Variants in PCCA observed in about 807,000 individuals in gnomAD.
PCCA encodes propionyl-CoA carboxylase alpha chain, mitochondrial.
PCCA carries 74 observed loss-of-function variants against 101.3 expected under a neutral mutation model. The observed-to-expected ratio is 0.73, with a 90% CI of 0.61 to 0.89. The LOEUF is 0.89. PCCA is among the 40% of genes least tolerant of loss of function. The probability of loss-of-function intolerance (pLI) is 0.00; values close to 1 mark genes in which losing one functional copy is unlikely to be tolerated. For synonymous variants in PCCA, 294 were observed against 313.6 expected (o/e 0.94, Z 0.66); for missense variants, 891 against 907.0 (o/e 0.98, Z 0.23).
intron 12 of PCCA, among the ~76,000 whole-genome samples, chr13:100,281,229 T>A (rs541565252): frequency 6.6e-6 from 1 of 152,366 alleles, no homozygotes; most frequent in African/African-American, 2.4e-5. Flanking sequence ...AAGAGTCATG[T>A]GCTGAGGTTG....
chr13:100,155,538 A>G (rs2053791357), intron 5 of PCCA, among the ~76,000 whole-genome samples: 1 of 152,222 alleles, frequency 6.6e-6, no homozygotes, highest in African/African-American at 2.4e-5. Context: ...TTTGGTAATT[A>G]TTTTAGTTTG....
At chr13:100,210,289 T>C (rs1335215161) in intron 7 of PCCA, among the ~76,000 whole-genome samples, 4 of 152,210 alleles carry the variant, frequency 2.6e-5, no homozygotes, top group African/African-American at 9.6e-5. Flanking sequence ...ACTTGGATTG[T>C]TTTAAATAGC....
At chr13:100,282,676 C>T (rs1348582390) in intron 12 of PCCA, among the ~76,000 whole-genome samples, 1 of 152,192 alleles carries the variant, frequency 6.6e-6, no homozygotes, top group Non-Finnish European at 1.5e-5. Context: ...AAAATGGCCA[C>T]CTGAGGGAAG....
chr13:100,250,149 T>G (rs1396275379), intron 8 of PCCA, among the ~76,000 whole-genome samples: 1 of 152,184 alleles, frequency 6.6e-6, no homozygotes, highest in Non-Finnish European at 1.5e-5. Flanking sequence ...TTTTTCCTGA[T>G]TTTTGGGAGA....
intron 7 of PCCA, among the ~76,000 whole-genome samples, chr13:100,224,051 A>G (rs1455602375): frequency 2.0e-5 from 3 of 151,838 alleles, no homozygotes; most frequent in African/African-American, 7.3e-5. Context: ...GTGCGCCCGC[A>G]CTCCTCAGCC....
chr13:100,459,229 T>C (rs2082012132), intron 21 of PCCA, among the ~76,000 whole-genome samples: 1 of 152,154 alleles, frequency 6.6e-6, no homozygotes, highest in South Asian at 2.1e-4. Context: ...TTTAACTCAT[T>C]ATGTCTGCAA....
At chr13:100,117,666 T>G (rs1472998292) in intron 4 of PCCA, among the ~76,000 whole-genome samples, 1 of 152,016 alleles carries the variant, frequency 6.6e-6, no homozygotes, top group Non-Finnish European at 1.5e-5. Context: ...GGGAAATACC[T>G]AATGTAAATG....
intron 14 of PCCA, chr13:100,305,911 T>C: frequency 2.8e-6 from 1 of 361,046 alleles, no homozygotes. Context: ...GATATCTATA[T>C]TTTTGTTTGT....
intron 17 of PCCA, 85 bp downstream of exon 17, chr13:100,330,756 A>G (rs2069430265): frequency 3.6e-6 from 3 of 823,006 alleles, no homozygotes; most frequent in Non-Finnish European, 6.1e-6. Flanking sequence ...CTATTTTGAA[A>G]TTAAGGCCTT....
chr13:100,096,504 A>C (rs1252188160), intron 1 of PCCA, among the ~76,000 whole-genome samples: 1 of 152,154 alleles, frequency 6.6e-6, no homozygotes, highest in Non-Finnish European at 1.5e-5. Flanking sequence ...TAATCTTCTA[A>C]GCGTTCTAGT....
intron 1 of PCCA, 81 bp downstream of exon 1, chr13:100,089,306 A>G: frequency 3.0e-6 from 4 of 1,335,228 alleles, no homozygotes; most frequent in Non-Finnish European, 2.9e-6. Flanking sequence ...GCGCCGGGAG[A>G]GCGCTGGCTG....
In PCCA at chr13:100,119,291, T is replaced by C; in HGVS notation, c.300+7230T>C. 1.3e-5 allele frequency among the ~76,000 whole-genome samples: 2 copies of C among 152,208 alleles called. 1 individual carries two copies. Among genetic ancestry groups the C allele is most frequent in the African/African-American group, 4.8e-5 (2 of 41,462 alleles). ...TCAAGTTTGTGGGTGTTTATTTCTA[T>C]TCCTGACTCTTCCTCATAACATATT... On this transcript the variant is annotated intron_variant, in intron 4 of 23. Transcript: ENST00000376285.
chr13:100,247,515 CTTT>C (rs147450398), intron 8 of PCCA, among the ~76,000 whole-genome samples: 24 of 123,670 alleles, frequency 1.9e-4, no homozygotes, highest in Non-Finnish European at 1.7e-4. Context: ...CGTGCCCGGC[CTTT>C]TTTTTTTTTT....
chr13:100,280,257 C>T (rs894308742), intron 12 of PCCA, among the ~76,000 whole-genome samples: 3 of 151,046 alleles, frequency 2.0e-5, no homozygotes, highest in Admixed American at 6.6e-5. Context: ...CACTGGTTTT[C>T]TGTTGCTTAA....
chr13:100,190,377 T>C (rs1187253206), intron 6 of PCCA, among the ~76,000 whole-genome samples: 3 of 152,186 alleles, frequency 2.0e-5, no homozygotes, highest in Non-Finnish European at 4.4e-5. Flanking sequence ...GTGTCAAAAC[T>C]GAGCCTTTAA....
At chr13:100,517,463 C>T (rs978759087) in intron 22 of PCCA, among the ~76,000 whole-genome samples, 3 of 152,248 alleles carry the variant, frequency 2.0e-5, no homozygotes, top group Middle Eastern at 3.4e-3. Context: ...ATTGATGTAG[C>T]TCAGATATTA....
Position 100,517,606 on chromosome 13 carries a change from C to T in PCCA, c.2040+2039C>T, listed in dbSNP as rs539334997. 4.6e-5 allele frequency among the ~76,000 whole-genome samples: 7 copies of T among 152,250 alleles called. No individual in the cohort carries two copies. The East Asian group carries it at 1.2e-3, about 25-fold the overall frequency. On this transcript the variant is annotated intron_variant, in intron 22 of 23. Coordinates refer to ENST00000376285, the MANE Select transcript of PCCA (RefSeq NM_000282.4). ...AAATTCAGAGTACCTGGGGGGCACGCGTAGTGAACAGGCTCAGGACCTCGG... is the reference window on the plus strand; with the variant it reads ...AAATTCAGAGTACCTGGGGGGCACGTGTAGTGAACAGGCTCAGGACCTCGG...
chr13:100,442,512 T>C (rs959655461), intron 20 of PCCA, among the ~76,000 whole-genome samples: 3 of 152,244 alleles, frequency 2.0e-5, no homozygotes, highest in African/African-American at 7.2e-5. Context: ...TCTATTTGCC[T>C]GGGAATGAAT....
intron 7 of PCCA, among the ~76,000 whole-genome samples, chr13:100,222,521 C>T (rs1211243432): frequency 6.6e-6 from 1 of 152,210 alleles, no homozygotes; most frequent in Non-Finnish European, 1.5e-5. Context: ...ACACCATTCA[C>T]ATTTACTAGT....
Sources: allele counts gnomAD v4.1 joint callset (sites outside exome capture counted in the v4.1 genomes callset), GRCh38; gene constraint gnomAD v4.1.1; transcripts MANE v1.5; gene names NCBI Gene and HGNC (gene_info 2026-07-23, HGNC 2026-07-21).